The following ADARB1 variants were observed in gnomAD, a reference collection of about 807,000 sequenced individuals.
The protein encoded by ADARB1 is double-stranded RNA-specific editase 1.
ADARB1 carries 10 observed loss-of-function variants against 52.4 expected under a neutral mutation model. The ratio of observed to expected loss-of-function variants is 0.19; its 90% CI spans 0.12 to 0.32. ADARB1 has a LOEUF of 0.32. Among genes scored for constraint, ADARB1 ranks in the 10% least tolerant of loss-of-function variants. ADARB1 has a pLI of 1.00. For synonymous variants in ADARB1, 349 were observed against 371.1 expected (o/e 0.94, Z 0.68); for missense variants, 643 against 922.3 (o/e 0.70, Z 3.92).
At chr21:45,077,179 C>G (rs993616536) in intron 1 of ADARB1, among the ~76,000 whole-genome samples, 4 of 152,308 alleles carry the variant, frequency 2.6e-5, no homozygotes, top group Non-Finnish European at 5.9e-5. Context: ...GTAAGTTTTA[C>G]TTAAGAACTG....
At position 45,224,513 on chromosome 21, in the gene ADARB1, G is replaced by A. The variant is rs2093023717; in HGVS notation, c.*2316G>A. The A allele has an allele frequency of 3.8e-6, 4 of 1,055,418 alleles. No homozygotes were observed. Among genetic ancestry groups the A allele is most frequent in the South Asian group, 2.9e-5 (1 of 34,078 alleles). The allele number at this position is 1,055,418 out of a possible 1,614,324, so 65.4% of individuals were successfully genotyped here. On this transcript the variant is annotated 3_prime_UTR_variant, in exon 11 of 11. Transcript: ENST00000348831. ...GCCCTGGGTGGGGCAGCTGTGGGGA[G>A]GAACTGGGTTCGGGGAGCCCTGGGC...
chr21:45,185,890 A>T (rs1421814493), intron 8 of ADARB1, among the ~76,000 whole-genome samples: 1 of 152,222 alleles, frequency 6.6e-6, no homozygotes, highest in African/African-American at 2.4e-5. Context: ...ATTGATGCAT[A>T]CGCATGTGCA....
rs183768123 is a variant in ADARB1 at position 45,128,212 on chromosome 21, G to A, written c.-219-190G>A. Among the ~76,000 whole-genome samples, 46 of 152,336 alleles carry A rather than the reference G, an allele frequency of 3.0e-4. No homozygotes were observed. The highest frequency in any genetic ancestry group is 9.9e-4 in the African/African-American group (41 of 41,566). ...CTCTACCTGCTGCAGGCAGACGGAC[G>A]GAGACGTGATGGATTGCGCATATCC... On this transcript the variant is annotated intron_variant, in intron 1 of 10. Transcript: ENST00000348831. This position sits in a 1 kb window ranked among gnomAD's most constrained non-coding sequence, Gnocchi z 4.6.
chr21:45,225,006 A>AT lies in ADARB1; in HGVS notation c.*2815dup, dbSNP rs1439158257. 1 of 985,326 alleles carries AT rather than the reference A, an allele frequency of 1.0e-6. No individual in the cohort carries two copies. The highest frequency in any genetic ancestry group is 1.1e-4 in the East Asian group (1 of 8,830). 61.0% of individuals were successfully genotyped at this position (985,326 alleles called of 1,614,324 possible). The stretch of plus-strand genomic sequence containing the variant: ...AAAATTCGACACAAGCAGGAACTTG[A>AT]TTTTTTAAGAAAAAATATTACATTT... On this transcript the variant is annotated 3_prime_UTR_variant, in exon 11 of 11. Coordinates refer to ENST00000348831, the MANE Select transcript of ADARB1 (RefSeq NM_001112.4).
At chr21:45,217,128 G>A (rs2092878983) in intron 9 of ADARB1, among the ~76,000 whole-genome samples, 1 of 151,836 alleles carries the variant, frequency 6.6e-6, no homozygotes, top group Non-Finnish European at 1.5e-5. Flanking sequence ...ATATTTATAT[G>A]TTTGGATCTT....
intron 1 of ADARB1, among the ~76,000 whole-genome samples, chr21:45,076,052 T>A (rs1433663762): frequency 6.6e-6 from 1 of 152,226 alleles, no homozygotes; most frequent in Non-Finnish European, 1.5e-5. Context: ...AGCTGCATTT[T>A]CCAAAACGCT....
intron 1 of ADARB1, among the ~76,000 whole-genome samples, chr21:45,096,469 C>T (rs2086765850): frequency 6.6e-6 from 1 of 152,258 alleles, no homozygotes; most frequent in Non-Finnish European, 1.5e-5. Flanking sequence ...GTCCTCAACA[C>T]TGCCCTGCCC....
chr21:45,159,381 C>T lies in ADARB1; in HGVS notation c.-47-12229C>T, dbSNP rs529827079. ...TCTCCCACTGGGTCCCTCCCACACT[C>T]GTGGGAATTATGGGAGCTACAATTC... On this transcript the variant is annotated intron_variant, in intron 2 of 10. Coordinates refer to ENST00000348831, the MANE Select transcript of ADARB1 (RefSeq NM_001112.4). Among the ~76,000 whole-genome samples, 12 of 152,286 alleles carry T rather than the reference C, an allele frequency of 7.9e-5. No individual in the cohort carries two copies. The South Asian group carries it at 1.4e-3, about 18-fold the overall frequency.
At chr21:45,148,135 A>T (rs2090101106) in intron 2 of ADARB1, among the ~76,000 whole-genome samples, 1 of 152,126 alleles carries the variant, frequency 6.6e-6, no homozygotes, top group African/African-American at 2.4e-5. Flanking sequence ...CCTGCCCCAG[A>T]CGTGGGGGCA....
chr21:45,204,637 C>T lies in ADARB1; in HGVS notation c.1648C>T (p.Leu550Phe). 6.2e-7 allele frequency: 1 copy of T among 1,614,206 alleles called. No homozygotes were observed. Among genetic ancestry groups the T allele is most frequent in the South Asian group, 1.1e-5 (1 of 91,074 alleles). Residue 550 changes from leucine to phenylalanine, a missense_variant, in exon 9 of 11, where the codon CTT (leucine) becomes TTT (phenylalanine). Transcript: ENST00000348831. This position sits in a 1 kb window ranked among gnomAD's most constrained non-coding sequence, Gnocchi z 4.4. Reference protein sequence around the residue: ...IYFSSIILGSLYHGDHLSRAM... With the variant: ...IYFSSIILGSFYHGDHLSRAM... ...CTTCTCGAGCATCATCCTGGGCAGC[C>T]TTTACCACGGGGACCACCTTTCCAG... is the stretch of plus-strand genomic sequence containing the variant.
chr21:45,160,506 T>C (rs1424384673), intron 2 of ADARB1, among the ~76,000 whole-genome samples: 1 of 152,264 alleles, frequency 6.6e-6, no homozygotes, highest in African/African-American at 2.4e-5. Flanking sequence ...CCAGCACTGC[T>C]TTGCCATGAT....
rs869311688 is a variant in ADARB1 at position 45,134,285 on chromosome 21, CGG to C, written c.-48+5716_-48+5717del. Among the ~76,000 whole-genome samples, 2 of 30,006 alleles carry C rather than the reference CGG, an allele frequency of 6.7e-5. 1 individual carries two copies. The highest frequency in any genetic ancestry group is 2.3e-4 in the African/African-American group (2 of 8,528). 19.7% of individuals were successfully genotyped at this position (30,006 alleles called of 152,430 possible). A position where few individuals can be genotyped will look rare whatever the true frequency, so the allele number is the denominator to read the frequency against. Reference sequence around the variant, plus strand: ...GCCCGACAGTGGTGTGTGCACCCGACGGGGGTGTGTGCCCGACAGTGGTGTGT... The same window carrying C: ...GCCCGACAGTGGTGTGTGCACCCGACGGGTGTGTGCCCGACAGTGGTGTGT... On this transcript the variant is annotated intron_variant, in intron 2 of 10. Transcript: ENST00000348831.
intron 1 of ADARB1, among the ~76,000 whole-genome samples, chr21:45,124,631 G>A (rs1362126686): frequency 6.6e-6 from 1 of 152,136 alleles, no homozygotes; most frequent in Non-Finnish European, 1.5e-5. Flanking sequence ...GCCTGCCTCG[G>A]CCTCCCAAAG....
intron 4 of ADARB1, chr21:45,177,097 A>T (rs971024975): frequency 6.3e-6 from 1 of 159,840 alleles, no homozygotes; most frequent in Non-Finnish European, 1.4e-5. Flanking sequence ...ATTCAAGATA[A>T]GTGACACCAG....
At chr21:45,152,847 T>G in intron 2 of ADARB1, 1 of 179,796 alleles carries the variant, frequency 5.6e-6, no homozygotes, top group South Asian at 8.3e-5. Context: ...TGAGTGCCTT[T>G]TTTGTTGTTG....
At chr21:45,207,942 C>G (rs1395710189) in intron 9 of ADARB1, among the ~76,000 whole-genome samples, 3 of 152,194 alleles carry the variant, frequency 2.0e-5, no homozygotes, top group Non-Finnish European at 4.4e-5. Context: ...ATTTAATTTT[C>G]ATTTCAGCCT....
chr21:45,153,199 C>T (rs1444188154), intron 2 of ADARB1, among the ~76,000 whole-genome samples: 1 of 152,120 alleles, frequency 6.6e-6, no homozygotes, highest in Non-Finnish European at 1.5e-5. Context: ...AGGTTAATAC[C>T]AGTTTTTAAT....
rs541021289 is a variant in ADARB1, at chr21:45,095,210, C to G, written c.-220+20417C>G. 5.3e-5 allele frequency among the ~76,000 whole-genome samples: 8 copies of G among 152,338 alleles called. No homozygotes were observed. The South Asian group carries it at 1.7e-3, about 32-fold the overall frequency. On this transcript the variant is annotated intron_variant, in intron 1 of 10. Coordinates refer to ENST00000348831, the MANE Select transcript of ADARB1 (RefSeq NM_001112.4). ...TTCTGGCTCAGTCTTCTGTGCAGGT[C>G]CCCCAGTCACCAGGAGCCCTGCAGG...
chr21:45,122,145 A>C (rs2088232123), intron 1 of ADARB1, among the ~76,000 whole-genome samples: 1 of 152,220 alleles, frequency 6.6e-6, no homozygotes, highest in African/African-American at 2.4e-5. Flanking sequence ...TATGTGTTTA[A>C]CTGCACACGC....
Sources: gnomAD v4.1 joint callset for allele counts (sites outside exome capture counted in the v4.1 genomes callset) on GRCh38, gnomAD v4.1.1 for gene constraint, Gnocchi (gnomAD v3.1) non-coding constraint, MANE v1.5 for transcripts, NCBI Gene and HGNC (gene_info 2026-07-23, HGNC 2026-07-21) for gene names.